The following WDFY1 variants were observed in gnomAD, a reference collection of about 807,000 sequenced individuals.
WDFY1 encodes the protein WD repeat and FYVE domain containing 1.
A neutral mutation model predicts 56.4 loss-of-function variants in WDFY1; 32 were observed. That is an observed-to-expected ratio of 0.57 (90% confidence interval 0.43 to 0.76). The LOEUF (loss-of-function observed/expected upper bound fraction) is 0.76. Among genes scored for constraint, WDFY1 ranks in the 30% least tolerant of loss-of-function variants. The pLI, the probability that WDFY1 is intolerant of heterozygous loss-of-function variation, is 0.00. For synonymous variants in WDFY1, 192 were observed against 197.3 expected (o/e 0.97, Z 0.23); for missense variants, 480 against 545.7 (o/e 0.88, Z 1.20).
intron 2 of WDFY1, among the ~76,000 whole-genome samples, chr2:223,917,405 A>AT (rs35733143): frequency 0.33 from 49,281 of 150,628 alleles, 9,077 homozygotes; most frequent in Non-Finnish European, 0.42. Flanking sequence ...TCATTTTCCT[A>AT]TTTTTTTTTC....
intron 1 of WDFY1, among the ~76,000 whole-genome samples, chr2:223,931,956 G>T (rs1451618018): frequency 1.3e-5 from 2 of 151,756 alleles, no homozygotes; most frequent in African/African-American, 4.8e-5. Flanking sequence ...AAAGTGCTGG[G>T]ATTACAGGCG....
At chr2:223,926,199 T>C (rs186772262) in intron 1 of WDFY1, among the ~76,000 whole-genome samples, 19 of 152,288 alleles carry the variant, frequency 1.2e-4, no homozygotes, top group Admixed American at 5.2e-4. Context: ...CAGGCTGGAG[T>C]GCAGTAGCAC....
At chr2:223,914,160 C>A (rs1317613927) in intron 2 of WDFY1, among the ~76,000 whole-genome samples, 1 of 152,020 alleles carries the variant, frequency 6.6e-6, no homozygotes, top group African/African-American at 2.4e-5. Context: ...CCACACCAGG[C>A]TAATTCTTGT....
rs1194002648 is a variant in WDFY1 at position 223,884,045 on chromosome 2, C to CTTTTT, written c.933+598_933+602dup. ...ATCAGCATTCTTTTTTACTTACCTG[C>CTTTTT]TTTTTTTTTTTTTTGTAGAACTTTA... On this transcript the variant is annotated intron_variant, in intron 9 of 11. Transcript: ENST00000233055. Among the ~76,000 whole-genome samples, 193 of 141,078 alleles carry CTTTTT rather than the reference C, an allele frequency of 1.4e-3. 1 individual carries two copies. The highest frequency in any genetic ancestry group is 7.3e-3 in the Middle Eastern group (2 of 274). The allele number at this position is 141,078 out of a possible 152,430, so 92.6% of individuals were successfully genotyped here.
Position 223,927,752 on chromosome 2 carries a change from T to C in WDFY1, c.138-9742A>G, listed in dbSNP as rs377058086. 1.2e-4 allele frequency among the ~76,000 whole-genome samples: 18 copies of C among 152,376 alleles called. No individual in the cohort carries two copies. The South Asian group carries it at 3.7e-3, about 32-fold the overall frequency. The stretch of plus-strand genomic sequence containing the variant: ...TGCAAAAGGCCTAGCTTTCGGCCTG[T>C]CTCAGCTTTTGATGTGCCTTCCTCA... On this transcript the variant is annotated intron_variant, in intron 1 of 11. Transcript: ENST00000233055.
intron 9 of WDFY1, 57 bp from the exon 10 acceptor site, chr2:223,882,129 T>C: frequency 1.3e-6 from 2 of 1,571,682 alleles, no homozygotes; most frequent in Non-Finnish European, 1.7e-6. Context: ...TTTTGTTTTG[T>C]TTTGAGACAG....
chr2:223,925,984 G>A lies in WDFY1; in HGVS notation c.138-7974C>T, dbSNP rs1374981177. Among the ~76,000 whole-genome samples, 3 of 152,090 alleles carry A rather than the reference G, an allele frequency of 2.0e-5. No homozygotes were observed. In the South Asian group the frequency reaches 6.2e-4, roughly 31 times the overall value. ...CCCTCAAAGTTATCCATGAGGGCTG[G>A]AATCAACTTCTTCCAAATTCCTATT... On this transcript the variant is annotated intron_variant, in intron 1 of 11. Transcript: ENST00000233055.
At chr2:223,911,745 A>C (rs1693706816) in intron 3 of WDFY1, among the ~76,000 whole-genome samples, 1 of 152,112 alleles carries the variant, frequency 6.6e-6, no homozygotes, top group Non-Finnish European at 1.5e-5. Flanking sequence ...CAGCATTCTG[A>C]GCTCCAAGGA....
intron 6 of WDFY1, among the ~76,000 whole-genome samples, chr2:223,896,177 A>AAAAAAAAAAAAAAC (rs1559165606): frequency 6.7e-6 from 1 of 148,298 alleles, no homozygotes; most frequent in African/African-American, 2.5e-5. Flanking sequence ...AAAAAAAAAA[A>AAAAAAAAAAAAAAC]AAAAAACTGC....
intron 8 of WDFY1, among the ~76,000 whole-genome samples, chr2:223,885,461 C>T (rs1419866945): frequency 1.3e-5 from 2 of 152,126 alleles, no homozygotes; most frequent in African/African-American, 2.4e-5. Flanking sequence ...CCCCACAAAG[C>T]ACTGGGATTA....
chr2:223,881,414 G>A (rs928533893), intron 10 of WDFY1, among the ~76,000 whole-genome samples: 1 of 152,200 alleles, frequency 6.6e-6, no homozygotes, highest in Admixed American at 6.5e-5. Flanking sequence ...GTGTTCAGGA[G>A]AAAGCTGCCC....
intron 2 of WDFY1, among the ~76,000 whole-genome samples, chr2:223,913,212 C>CAAA (rs60874770): frequency 1.7e-5 from 1 of 59,802 alleles, no homozygotes; most frequent in Non-Finnish European, 4.3e-5. Flanking sequence ...AACTCCATCT[C>CAAA]AAAAAAAAAA....
intron 2 of WDFY1, 29 bp from the exon 3 acceptor site, chr2:223,912,355 A>T (rs772032561): frequency 6.4e-7 from 1 of 1,574,724 alleles, no homozygotes; most frequent in Non-Finnish European, 8.6e-7. Context: ...CCACATTACC[A>T]GCAAAGCTAA....
Position 223,920,542 on chromosome 2 carries a change from T to C in WDFY1, c.138-2532A>G, listed in dbSNP as rs115209536. ...GTTGCTGCCCAAGAGAAGAACAGGG[T>C]GGAACCTGCACAGCTGTATGTAACC... On this transcript the variant is annotated intron_variant, in intron 1 of 11. Transcript: ENST00000233055. Among the ~76,000 whole-genome samples, 457 of 152,334 alleles carry C rather than the reference T, an allele frequency of 3.0e-3. 2 individuals are homozygous for C. Among genetic ancestry groups the C allele is most frequent in the African/African-American group, 0.01 (421 of 41,566 alleles).
intron 9 of WDFY1, among the ~76,000 whole-genome samples, chr2:223,883,463 T>C (rs1051917108): frequency 1.3e-5 from 2 of 152,172 alleles, no homozygotes; most frequent in Non-Finnish European, 2.9e-5. Context: ...CACCTATTAA[T>C]TATACTGCAC....
At chr2:223,894,713 T>C (rs1221295446) in intron 7 of WDFY1, among the ~76,000 whole-genome samples, 1 of 152,170 alleles carries the variant, frequency 6.6e-6, no homozygotes, top group Non-Finnish European at 1.5e-5. Context: ...ACAATTCATA[T>C]GAACAAGGAG....
chr2:223,892,354 TC>T (rs1693294308), intron 8 of WDFY1, among the ~76,000 whole-genome samples: 2 of 152,108 alleles, frequency 1.3e-5, no homozygotes, highest in Non-Finnish European at 2.9e-5. Context: ...TTTAGAAAAT[TC>T]AAAAAGAGAA....
intron 3 of WDFY1, among the ~76,000 whole-genome samples, chr2:223,911,043 C>A (rs1243426837): frequency 6.6e-6 from 1 of 152,076 alleles, no homozygotes; most frequent in African/African-American, 2.4e-5. Flanking sequence ...AACGGATCAA[C>A]CAAATGCAGT....
intron 5 of WDFY1, 92 bp downstream of exon 5, chr2:223,901,091 C>A (rs1693500078): frequency 6.9e-7 from 1 of 1,449,004 alleles, no homozygotes; most frequent in South Asian, 1.4e-5. Flanking sequence ...TTCATTCAGT[C>A]TTTAGATCTC....
Sources: allele counts gnomAD v4.1 joint callset (sites outside exome capture counted in the v4.1 genomes callset), GRCh38; gene constraint gnomAD v4.1.1; transcripts MANE v1.5; gene names NCBI Gene and HGNC (gene_info 2026-07-23, HGNC 2026-07-21).